SND1: variants seen among roughly 807,000 people sequenced by gnomAD.
SND1 encodes the protein staphylococcal nuclease domain-containing protein 1.
Under a neutral mutation model 121.7 loss-of-function variants are expected in SND1, and 38 were observed. The observed-to-expected ratio is 0.31, with a 90% confidence interval of 0.24 to 0.41. The LOEUF is 0.41. Among genes scored for constraint, SND1 ranks in the 10% least tolerant of loss-of-function variants. The probability of loss-of-function intolerance (pLI) is 1.00; values close to 1 mark genes in which losing one functional copy is unlikely to be tolerated. For missense variants in SND1, 868 were observed against 1,184.6 expected, an observed-to-expected ratio of 0.73 and a Z score of 3.92; for synonymous variants, 401 against 447.4, an observed-to-expected ratio of 0.90 and a Z score of 1.31.
intron 16 of SND1, among the ~76,000 whole-genome samples, chr7:128,041,513 G>T (rs564855446): frequency 1.2e-4 from 19 of 152,290 alleles, no homozygotes; most frequent in Middle Eastern, 3.4e-3. Context: ...GTTTTTAGAG[G>T]CAACTCTGTC....
At chr7:127,816,224 A>G (rs1431334850) in intron 11 of SND1, among the ~76,000 whole-genome samples, 4 of 152,166 alleles carry the variant, frequency 2.6e-5, no homozygotes, top group East Asian at 1.9e-4. Flanking sequence ...TTGAAATATG[A>G]CACACCCTGG....
At chr7:128,074,269 G>T (rs7806904) in intron 16 of SND1, among the ~76,000 whole-genome samples, 3 of 152,288 alleles carry the variant, frequency 2.0e-5, no homozygotes, top group Non-Finnish European at 4.4e-5. Context: ...CGTTTGCCCC[G>T]GTAGCTTTCT....
intron 9 of SND1, chr7:127,718,796 C>T (rs1391010580): frequency 2.1e-6 from 2 of 942,458 alleles, no homozygotes; most frequent in African/African-American, 3.6e-5. Context: ...TTTTATTACT[C>T]TCTAAGCATG....
At chr7:128,079,031 G>T (rs1219835452) in intron 17 of SND1, among the ~76,000 whole-genome samples, 1 of 152,250 alleles carries the variant, frequency 6.6e-6, no homozygotes, top group Non-Finnish European at 1.5e-5. Context: ...CTCCATCCCA[G>T]TTCACTTAAG....
intron 1 of SND1, among the ~76,000 whole-genome samples, chr7:127,669,475 CTG>C (rs765713817): frequency 2.0e-5 from 3 of 152,248 alleles, no homozygotes; most frequent in Non-Finnish European, 4.4e-5. Context: ...TCTCAATTAA[CTG>C]TTCAATATTC....
At chr7:127,832,782 C>T (rs901079911) in intron 11 of SND1, among the ~76,000 whole-genome samples, 5 of 152,216 alleles carry the variant, frequency 3.3e-5, no homozygotes, top group African/African-American at 9.6e-5. Flanking sequence ...AAGCAGGCTG[C>T]ACAGCAGGAC....
At chr7:127,971,771 A>AT (rs200086577) in intron 15 of SND1, among the ~76,000 whole-genome samples, 2,224 of 141,094 alleles carry the variant, frequency 0.016, 36 homozygotes, top group African/African-American at 0.039. Context: ...TGCTGAATTA[A>AT]TTTTTTTTTT....
chr7:127,986,304 T>C (rs758070170), intron 15 of SND1, among the ~76,000 whole-genome samples: 1 of 152,240 alleles, frequency 6.6e-6, no homozygotes, highest in African/African-American at 2.4e-5. Flanking sequence ...ATTTTTTTAA[T>C]AGAATGATTG....
chr7:127,846,276 A>T (rs1044416043), intron 12 of SND1, among the ~76,000 whole-genome samples: 9 of 150,482 alleles, frequency 6.0e-5, no homozygotes, highest in South Asian at 2.1e-4. Context: ...CCAAAGTAAA[A>T]TTTTTTTTTT....
At chr7:127,724,469 A>T (rs1175973375) in intron 10 of SND1, among the ~76,000 whole-genome samples, 1 of 152,208 alleles carries the variant, frequency 6.6e-6, no homozygotes, top group Non-Finnish European at 1.5e-5. Flanking sequence ...AGGCCAGATC[A>T]AACATGTCCT....
chr7:127,956,751 C>T (rs780864934), intron 15 of SND1, among the ~76,000 whole-genome samples: 2 of 152,248 alleles, frequency 1.3e-5, no homozygotes, highest in African/African-American at 2.4e-5. Context: ...CGTGTTTACA[C>T]ATCTGCACGT....
intron 13 of SND1, among the ~76,000 whole-genome samples, chr7:127,894,448 T>C (rs1366141512): frequency 6.6e-6 from 1 of 152,072 alleles, no homozygotes; most frequent in Non-Finnish European, 1.5e-5. Context: ...TCAGTTTTAC[T>C]AGCATTCACA....
At chr7:127,704,284 A>C (rs1796152839) in intron 7 of SND1, among the ~76,000 whole-genome samples, 1 of 152,160 alleles carries the variant, frequency 6.6e-6, no homozygotes, top group Admixed American at 6.5e-5. Context: ...GGAAGGTTGA[A>C]AGGCTTGGTT....
At chr7:127,712,034 T>C (rs1796307415) in intron 9 of SND1, among the ~76,000 whole-genome samples, 1 of 152,292 alleles carries the variant, frequency 6.6e-6, no homozygotes, top group South Asian at 2.1e-4. Flanking sequence ...TGGTCCCTTA[T>C]TTTTCATATT....
At chr7:128,021,052 C>A (rs1202783485) in intron 16 of SND1, among the ~76,000 whole-genome samples, 2 of 152,040 alleles carry the variant, frequency 1.3e-5, no homozygotes, top group Non-Finnish European at 2.9e-5. Flanking sequence ...TTATTTTTTT[C>A]CTCTCTCCTT....
At chr7:127,927,373 T>C (rs990807413) in intron 14 of SND1, among the ~76,000 whole-genome samples, 9 of 152,232 alleles carry the variant, frequency 5.9e-5, no homozygotes, top group African/African-American at 2.2e-4. Context: ...ATAATTGTTG[T>C]TGACTTACTG....
intron 11 of SND1, among the ~76,000 whole-genome samples, chr7:127,828,992 A>C (rs1798692491): frequency 1.3e-5 from 2 of 152,198 alleles, no homozygotes. Flanking sequence ...AGCTTAGCTG[A>C]TCTGAAGAGC....
intron 7 of SND1, 82 bp from the exon 8 acceptor site, chr7:127,704,757 A>G: frequency 1.8e-6 from 2 of 1,142,246 alleles, no homozygotes; most frequent in Non-Finnish European, 2.6e-6. Context: ...GACTGTGTTA[A>G]TTGTGTCAGA....
chr7:127,665,916 A>T (rs806168), intron 1 of SND1, among the ~76,000 whole-genome samples: 1 of 152,152 alleles, frequency 6.6e-6, no homozygotes, highest in South Asian at 2.1e-4. Context: ...GGTGCATTCT[A>T]TTCCTCCCGG....
Sources: allele counts gnomAD v4.1 joint callset (sites outside exome capture counted in the v4.1 genomes callset), GRCh38; gene constraint gnomAD v4.1.1; transcripts MANE v1.5; gene names NCBI Gene and HGNC (gene_info 2026-07-23, HGNC 2026-07-21).